The following RABGAP1L variants were observed in gnomAD, a reference collection of about 807,000 sequenced individuals.
RABGAP1L encodes the protein RAB GTPase activating protein 1 like.
Under a neutral mutation model 137.7 loss-of-function variants are expected in RABGAP1L, and 63 were observed. The ratio of observed to expected loss-of-function variants is 0.46; its 90% CI spans 0.37 to 0.56. RABGAP1L has a LOEUF of 0.56. Among genes scored for constraint, RABGAP1L ranks in the 20% least tolerant of loss-of-function variants. RABGAP1L has a pLI of 0.00. For synonymous variants in RABGAP1L, 431 were observed against 433.7 expected (o/e 0.99, Z 0.08); for missense variants, 1,095 against 1,244.0 (o/e 0.88, Z 1.80).
At chr1:174,513,440 T>C (rs1168456453) in intron 13 of RABGAP1L, among the ~76,000 whole-genome samples, 7 of 151,884 alleles carry the variant, frequency 4.6e-5, no homozygotes, top group African/African-American at 7.3e-5. Flanking sequence ...ACACCCTGTC[T>C]CTACAAAAAT....
chr1:174,418,306 A>G (rs1650849033), intron 13 of RABGAP1L, among the ~76,000 whole-genome samples: 1 of 152,222 alleles, frequency 6.6e-6, no homozygotes, highest in Non-Finnish European at 1.5e-5. Context: ...TTCCACAGAT[A>G]TTGTTTATGG....
intron 10 of RABGAP1L, among the ~76,000 whole-genome samples, chr1:174,298,350 A>T (rs959287851): frequency 6.6e-6 from 1 of 152,176 alleles, no homozygotes; most frequent in Non-Finnish European, 1.5e-5. Context: ...GCTCTCACCT[A>T]TGTCTCTTTC....
At chr1:174,837,207 C>CAA (rs35135708) in intron 19 of RABGAP1L, among the ~76,000 whole-genome samples, 20 of 139,120 alleles carry the variant, frequency 1.4e-4, no homozygotes, top group African/African-American at 4.3e-4. Flanking sequence ...AACTCGGTCT[C>CAA]AAAAAAAAAA....
intron 17 of RABGAP1L, among the ~76,000 whole-genome samples, chr1:174,720,678 A>G (rs1681454586): frequency 6.6e-6 from 1 of 152,118 alleles, no homozygotes; most frequent in African/African-American, 2.4e-5. Context: ...CCCTCTCTCC[A>G]TATAAAAGAA....
At chr1:174,628,971 T>C (rs1362596933) in intron 13 of RABGAP1L, among the ~76,000 whole-genome samples, 1 of 152,210 alleles carries the variant, frequency 6.6e-6, no homozygotes, top group Non-Finnish European at 1.5e-5. Context: ...GATATTTAGA[T>C]GATGAATTAT....
chr1:174,316,309 G>A (rs894110146), intron 11 of RABGAP1L, among the ~76,000 whole-genome samples: 25 of 152,036 alleles, frequency 1.6e-4, no homozygotes, highest in Non-Finnish European at 3.2e-4. Context: ...GATGTTTTTC[G>A]GTGTCTGAGC....
chr1:174,850,404 G>T (rs1648100521), intron 19 of RABGAP1L, among the ~76,000 whole-genome samples: 2 of 152,260 alleles, frequency 1.3e-5, no homozygotes, highest in Non-Finnish European at 2.9e-5. Context: ...ATTATTCCCA[G>T]GGAACAGAAC....
At chr1:174,479,826 T>C (rs1366123339) in intron 13 of RABGAP1L, among the ~76,000 whole-genome samples, 2 of 152,202 alleles carry the variant, frequency 1.3e-5, no homozygotes, top group East Asian at 3.8e-4. Flanking sequence ...TGAGTAGGTA[T>C]ATTAAATGTT....
chr1:174,757,156 A>G, intron 18 of RABGAP1L: 1 of 383,818 alleles, frequency 2.6e-6, no homozygotes, highest in Non-Finnish European at 5.4e-6. Flanking sequence ...AGTTCCCATA[A>G]TGGTTCCTCC....
intron 14 of RABGAP1L, among the ~76,000 whole-genome samples, chr1:174,658,432 AT>A (rs1676128157): frequency 6.6e-6 from 1 of 152,074 alleles, no homozygotes; most frequent in Non-Finnish European, 1.5e-5. Flanking sequence ...CCCTTCCTAT[AT>A]TTGTAACTAA....
intron 10 of RABGAP1L, among the ~76,000 whole-genome samples, chr1:174,282,970 T>C (rs983149478): frequency 6.6e-6 from 1 of 152,238 alleles, no homozygotes; most frequent in Admixed American, 6.5e-5. Context: ...TACCACACAG[T>C]CTTGCTCATT....
At chr1:174,487,153 C>A (rs1465288585) in intron 13 of RABGAP1L, among the ~76,000 whole-genome samples, 3 of 152,046 alleles carry the variant, frequency 2.0e-5, no homozygotes, top group Non-Finnish European at 2.9e-5. Context: ...TTCTATAGTG[C>A]AGATTTAACT....
intron 14 of RABGAP1L, among the ~76,000 whole-genome samples, chr1:174,650,010 C>G (rs1392442924): frequency 2.6e-5 from 4 of 152,114 alleles, no homozygotes; most frequent in African/African-American, 9.7e-5. Context: ...TACGTCCCAT[C>G]AATACCTAAT....
Position 174,598,344 on chromosome 1 carries a change from AAAAT to A in RABGAP1L, c.1711-39030_1711-39027del, listed in dbSNP as rs1450401991. 2.0e-5 allele frequency among the ~76,000 whole-genome samples: 3 copies of A among 149,768 alleles called. 1 individual carries two copies. Among genetic ancestry groups the A allele is most frequent in the African/African-American group, 2.5e-5 (1 of 39,906 alleles). The stretch of plus-strand genomic sequence containing the variant: ...TCTGTCTCAAAAAAAAAAAAAAAAA[AAAAT>A]GGTCTGTCTTTGAGATCTATGCACT... On this transcript the variant is annotated intron_variant, in intron 13 of 25. Transcript: ENST00000681986.
intron 19 of RABGAP1L, among the ~76,000 whole-genome samples, chr1:174,861,329 T>TAC (rs1357223176): frequency 6.6e-6 from 1 of 152,188 alleles, no homozygotes; most frequent in Non-Finnish European, 1.5e-5. Context: ...TAAATATATA[T>TAC]ACCACCTTTT....
intron 13 of RABGAP1L, among the ~76,000 whole-genome samples, chr1:174,622,255 G>T (rs1672562242): frequency 6.6e-6 from 1 of 152,176 alleles, no homozygotes; most frequent in African/African-American, 2.4e-5. Context: ...CAGTGTTGGT[G>T]GGACTGTAAA....
At chr1:174,339,276 A>T (rs1681756483) in intron 11 of RABGAP1L, among the ~76,000 whole-genome samples, 2 of 152,312 alleles carry the variant, frequency 1.3e-5, no homozygotes, top group South Asian at 4.1e-4. Context: ...TTTGTTCTTA[A>T]CAGAAAATCT....
At chr1:174,259,983 C>T (rs1361749016) in intron 7 of RABGAP1L, among the ~76,000 whole-genome samples, 3 of 151,970 alleles carry the variant, frequency 2.0e-5, no homozygotes, top group Non-Finnish European at 2.9e-5. Flanking sequence ...TATAGGCATG[C>T]GCCACTACAC....
At chr1:174,654,035 C>T (rs1572697033) in intron 14 of RABGAP1L, among the ~76,000 whole-genome samples, 1 of 152,286 alleles carries the variant, frequency 6.6e-6, no homozygotes, top group East Asian at 1.9e-4. Context: ...CATTGGATCA[C>T]AACCCAAGTC....
Sources: allele counts gnomAD v4.1 joint callset (sites outside exome capture counted in the v4.1 genomes callset), GRCh38; gene constraint gnomAD v4.1.1; transcripts MANE v1.5; gene names NCBI Gene and HGNC (gene_info 2026-07-23, HGNC 2026-07-21).